TTC6: variants seen among roughly 807,000 people sequenced by gnomAD.
TTC6 encodes the protein tetratricopeptide repeat protein 6.
TTC6 carries 172 observed loss-of-function variants against 210.4 expected under a neutral mutation model. The ratio of observed to expected loss-of-function variants is 0.82; its 90% CI spans 0.72 to 0.93. The LOEUF is 0.93. TTC6 is among the 40% of genes least tolerant of loss of function. The probability of loss-of-function intolerance (pLI) is 0.00; values close to 1 mark genes in which losing one functional copy is unlikely to be tolerated. For missense variants in TTC6, 2,414 were observed against 2,318.1 expected, an observed-to-expected ratio of 1.04 and a Z score of -0.85; for synonymous variants, 804 against 819.6, an observed-to-expected ratio of 0.98 and a Z score of 0.32.
rs905884525 is a variant in TTC6 at position 37,830,700 on chromosome 14, C to A, written c.5298+3334C>A. On this transcript the variant is annotated intron_variant, in intron 29 of 30. Transcript: ENST00000553443. ...TTTCTGGGTTCCTGTATTTCTGATTCATTTTTTCTTGATGGCAATTGCTTC... is the reference window on the plus strand; with the variant it reads ...TTTCTGGGTTCCTGTATTTCTGATTAATTTTTTCTTGATGGCAATTGCTTC... Among the ~76,000 whole-genome samples the A allele has an allele frequency of 1.8e-4, 27 of 151,542 alleles. 1 individual carries two copies. The highest frequency in any genetic ancestry group is 1.4e-3 in the Admixed American group (22 of 15,194).
chr14:37,679,888 C>A (rs550666262), intron 1 of TTC6, among the ~76,000 whole-genome samples: 1 of 152,074 alleles, frequency 6.6e-6, no homozygotes, highest in East Asian at 1.9e-4. Flanking sequence ...TGGGGTTTCA[C>A]TATGTTGGTC....
At chr14:37,642,429 C>T (rs2095693694) in intron 1 of TTC6, among the ~76,000 whole-genome samples, 2 of 152,164 alleles carry the variant, frequency 1.3e-5, no homozygotes, top group African/African-American at 4.8e-5. Flanking sequence ...TCAAAACCCA[C>T]TGATTTTGGC....
At position 37,714,942 on chromosome 14, in the gene TTC6, A is replaced by T. The variant is rs1026807670; in HGVS notation, c.1713+146A>T. The stretch of plus-strand genomic sequence containing the variant: ...CCTGTAATCCCAGAACTTTGGGAGG[A>T]CATGGCGAGAGGATTGCTTGAGCCC... On this transcript the variant is annotated intron_variant, in intron 6 of 30. Coordinates refer to ENST00000553443, the Ensembl canonical transcript of TTC6. 4 of 712,588 alleles carry T rather than the reference A, an allele frequency of 5.6e-6. No homozygotes were observed. In the African/African-American group the frequency reaches 7.1e-5, roughly 13 times the overall value. The allele number at this position is 712,588 out of a possible 1,614,324, so 44.1% of individuals were successfully genotyped here. A position where few individuals can be genotyped will look rare whatever the true frequency, so the allele number is the denominator to read the frequency against.
At chr14:37,661,071 A>G (rs1207685049) in intron 1 of TTC6, among the ~76,000 whole-genome samples, 2 of 152,140 alleles carry the variant, frequency 1.3e-5, no homozygotes, top group African/African-American at 4.8e-5. Flanking sequence ...GTTCCTTTGT[A>G]GATTCTGGAT....
At chr14:37,618,658 T>C (rs1260141297), upstream of TTC6, among the ~76,000 whole-genome samples, 1 of 152,214 alleles carries the variant, frequency 6.6e-6, no homozygotes, top group African/African-American at 2.4e-5. Context: ...GCACTTAGCT[T>C]TGATGGACTG....
chr14:37,744,547 A>T (rs911605056), intron 10 of TTC6, among the ~76,000 whole-genome samples: 3 of 152,220 alleles, frequency 2.0e-5, no homozygotes, highest in Admixed American at 6.5e-5. Context: ...CATAGAAGTC[A>T]GTGTGGCTGG....
At chr14:37,834,303 C>T (rs2096192888) in intron 29 of TTC6, among the ~76,000 whole-genome samples, 1 of 152,034 alleles carries the variant, frequency 6.6e-6, no homozygotes, top group African/African-American at 2.4e-5. Flanking sequence ...TTCTTTTGAA[C>T]TCCCAAAATT....
intron 1 of TTC6, among the ~76,000 whole-genome samples, chr14:37,604,832 A>G (rs2095622103): frequency 6.6e-6 from 1 of 152,358 alleles, no homozygotes; most frequent in Admixed American, 6.5e-5. Context: ...TCTCATGGAC[A>G]GTAAGGACCA....
intron 1 of TTC6, among the ~76,000 whole-genome samples, chr14:37,651,287 T>C (rs888513886): frequency 2.0e-5 from 3 of 150,462 alleles, no homozygotes; most frequent in African/African-American, 7.3e-5. Flanking sequence ...TACATTGTTC[T>C]TAGATTCCTG....
At chr14:37,838,355 A>G (rs903553266) in intron 29 of TTC6, among the ~76,000 whole-genome samples, 6 of 152,236 alleles carry the variant, frequency 3.9e-5, no homozygotes, top group Admixed American at 2.6e-4. Context: ...TCAAAATGCT[A>G]TAAAAGTTAC....
At chr14:37,664,727 G>C (rs770995312) in intron 1 of TTC6, among the ~76,000 whole-genome samples, 1 of 150,464 alleles carries the variant, frequency 6.6e-6, no homozygotes, top group Non-Finnish European at 1.5e-5. Context: ...CTACAAAATT[G>C]GGGAAAATTT....
chr14:37,602,671 A>T (rs1164780728), intron 1 of TTC6, among the ~76,000 whole-genome samples: 3 of 152,068 alleles, frequency 2.0e-5, no homozygotes, highest in Admixed American at 2.0e-4. Flanking sequence ...GATGCGGCGG[A>T]GGATCTGCAC....
At chr14:37,783,158 A>G (rs2096059460) in intron 14 of TTC6, among the ~76,000 whole-genome samples, 1 of 152,212 alleles carries the variant, frequency 6.6e-6, no homozygotes, top group Non-Finnish European at 1.5e-5. Flanking sequence ...TGAGTTAGGG[A>G]GAATTCCCTC....
chr14:37,787,719 G>A, intron 15 of TTC6, 82 bp downstream of exon 17: 1 of 1,162,806 alleles, frequency 8.6e-7, no homozygotes, highest in South Asian at 2.5e-5. Context: ...ATGGTAATGT[G>A]GGTTCACTAA....
At chr14:37,705,118 A>G (rs1041344819) in intron 5 of TTC6, among the ~76,000 whole-genome samples, 21 of 152,088 alleles carry the variant, frequency 1.4e-4, no homozygotes, top group Admixed American at 1.4e-3. Flanking sequence ...TTCTCAAATC[A>G]GGCACCCCTT....
At chr14:37,707,759 T>C (rs1015475124) in intron 5 of TTC6, among the ~76,000 whole-genome samples, 1 of 152,162 alleles carries the variant, frequency 6.6e-6, no homozygotes, top group Non-Finnish European at 1.5e-5. Flanking sequence ...TTTGGGTTTT[T>C]CTGTGTACTC....
intron 29 of TTC6, among the ~76,000 whole-genome samples, chr14:37,829,171 T>A (rs562423351): frequency 3.9e-5 from 6 of 152,122 alleles, no homozygotes; most frequent in African/African-American, 1.4e-4. Flanking sequence ...TTGTTTTTGG[T>A]ATGTCTCTTT....
chr14:37,811,703 T>G (rs181831386), intron 24 of TTC6, among the ~76,000 whole-genome samples: 346 of 152,310 alleles, frequency 2.3e-3, no homozygotes, highest in African/African-American at 8.1e-3. Context: ...CTGAGTTGAT[T>G]CTCAGATTAC....
chr14:37,740,483 TA>T (rs5807968), intron 10 of TTC6, among the ~76,000 whole-genome samples: 336 of 151,952 alleles, frequency 2.2e-3, no homozygotes, highest in African/African-American at 7.8e-3. Flanking sequence ...GGTAAGAGAA[TA>T]AAAAAAATTG....
Sources: gnomAD v4.1 joint callset for allele counts (sites outside exome capture counted in the v4.1 genomes callset) on GRCh38, gnomAD v4.1.1 for gene constraint, MANE v1.5 for transcripts, NCBI Gene and HGNC (gene_info 2026-07-23, HGNC 2026-07-21) for gene names.